EXPH5: variants seen among roughly 807,000 people sequenced by gnomAD.
The protein encoded by EXPH5 is exophilin 5, also known as exophilin-5.
EXPH5 carries 42 observed loss-of-function variants against 41.1 expected under a neutral mutation model. That is an observed-to-expected ratio of 1.02 (90% CI 0.80 to 1.32). EXPH5 has a LOEUF of 1.32. Among genes scored for constraint, EXPH5 ranks in the 40% most tolerant of loss-of-function variants. EXPH5 has a pLI of 0.00. For missense variants in EXPH5, 2,298 were observed against 2,314.5 expected (o/e 0.99, Z 0.15); for synonymous variants, 798 against 833.5 (o/e 0.96, Z 0.73).
chr11:108,541,644 T>C lies in EXPH5; in HGVS notation c.280+8A>G, dbSNP rs764821110. 6 of 1,586,418 alleles carry C rather than the reference T, an allele frequency of 3.8e-6. No homozygotes were observed. Among genetic ancestry groups the C allele is most frequent in the Admixed American group, 3.6e-5 (2 of 56,240 alleles). On this transcript the variant is annotated splice_region_variant and intron_variant, in intron 2 of 5. Transcript: ENST00000265843. ...AAATCAACTTTAAATCTAAAATCTT[T>C]TTCTTACCATTTTTTGCCATCTCCT...
Position 108,512,814 on chromosome 11 carries a change from G to T in EXPH5, c.2693C>A (p.Pro898His). The T allele has an allele frequency of 1.9e-6, 3 of 1,614,152 alleles. No individual in the cohort carries two copies. Among genetic ancestry groups the T allele is most frequent in the Non-Finnish European group, 2.5e-6 (3 of 1,180,016 alleles). Residue 898 changes from proline (P) to histidine (H), a missense_variant, in exon 6 of 6, where the codon CCT (proline) becomes CAT (histidine). Physicochemically the swap from Pro to His is moderately conservative, Grantham distance 77. Coordinates refer to ENST00000265843, the MANE Select transcript of EXPH5 (RefSeq NM_015065.3). The stretch of plus-strand genomic sequence containing the variant: ...GAACACTGTAGTAGATGGAACCACA[G>T]GAGCATCAAGGGAAGAATTCTTTGA... Reference protein sequence around the residue: ...SPSKNSSLDAPVVPSTTVFSR... With the variant: ...SPSKNSSLDAHVVPSTTVFSR...
chr11:108,538,965 C>A, intron 3 of EXPH5, 59 bp downstream of exon 3: 1 of 1,378,434 alleles, frequency 7.3e-7, no homozygotes, highest in South Asian at 1.5e-5. Flanking sequence ...ACAAAACAGG[C>A]TGCTGGCCTC....
chr11:108,539,132 G>T lies in EXPH5; in HGVS notation c.335C>A (p.Pro112Gln), dbSNP rs138214741. The stretch of plus-strand genomic sequence containing the variant: ...GCTCATCCGGGAAGAAAAAGGTGTC[G>T]GCTTTTTTTGATTAGTTACATTTTT... ...RSKNVTNQKK[P>Q]TPFSSRMSFR... The change falls in exon 3 of 6, where the codon CCG (proline) becomes CAG (glutamine). Residue 112 changes from proline to glutamine, a missense_variant. Physicochemically the swap from Pro to Gln is moderately conservative, Grantham distance 76 (BLOSUM62 -1). Transcript: ENST00000265843. 4 of 1,610,056 alleles carry T rather than the reference G, an allele frequency of 2.5e-6. No homozygotes were observed. Among genetic ancestry groups the T allele is most frequent in the Non-Finnish European group, 3.4e-6 (4 of 1,177,700 alleles).
chr11:108,512,092 T>C lies in EXPH5; in HGVS notation c.3415A>G (p.Arg1139Gly), dbSNP rs1028751608. 1 of 1,613,288 alleles carries C rather than the reference T, an allele frequency of 6.2e-7. No homozygotes were observed. Among genetic ancestry groups the C allele is most frequent in the Non-Finnish European group, 8.5e-7 (1 of 1,179,738 alleles). ...ATGCCTGAGGTCAATGGCTTTTTTCTTCCTTCTCTTCCAGTTGAGGCATGT... is the reference window on the plus strand; with the variant it reads ...ATGCCTGAGGTCAATGGCTTTTTTCCTCCTTCTCTTCCAGTTGAGGCATGT... Reference protein sequence around the residue: ...EPHASTGREGRKKPLTSGMDA... With the variant: ...EPHASTGREGGKKPLTSGMDA... The change falls in exon 6 of 6, where the codon AGA becomes GGA. Residue 1139 changes from arginine (R) to glycine (G), a missense_variant. Physicochemically the swap from Arg to Gly is moderately radical, Grantham distance 125. Coordinates refer to ENST00000265843, the MANE Select transcript of EXPH5 (RefSeq NM_015065.3).
At chr11:108,548,872 A>T (rs2093951088) in intron 1 of EXPH5, among the ~76,000 whole-genome samples, 1 of 152,248 alleles carries the variant, frequency 6.6e-6, no homozygotes. Flanking sequence ...GCAAGTAAGA[A>T]AAAATTCTAA....
At chr11:108,532,647 CA>C (rs1324467695) in intron 3 of EXPH5, among the ~76,000 whole-genome samples, 5 of 151,800 alleles carry the variant, frequency 3.3e-5, no homozygotes, top group African/African-American at 1.2e-4. Context: ...ACCATTTAAA[CA>C]AAACGAAACG....
intron 4 of EXPH5, among the ~76,000 whole-genome samples, chr11:108,522,013 C>G (rs2093767959): frequency 6.6e-6 from 1 of 152,078 alleles, no homozygotes; most frequent in Admixed American, 6.6e-5. Flanking sequence ...CTCTAGAGAC[C>G]CTGAGTATAA....
intron 1 of EXPH5, among the ~76,000 whole-genome samples, chr11:108,577,493 G>C (rs918079577): frequency 1.3e-5 from 2 of 151,678 alleles, no homozygotes; most frequent in African/African-American, 4.9e-5. Flanking sequence ...GCGCGATCTC[G>C]GCTCACTGCA....
In EXPH5 at chr11:108,509,565, T is replaced by A. The variant is rs1231757487; in HGVS notation, c.5942A>T (p.Asp1981Val). ...CAGTTCTGACTCTTTGTCATTTTCA[T>A]CCAGGTAGTATTCATCATCTGTGGT... ...DTTTDDEYYL[D>V]ENDKESEL Residue 1981 changes from aspartate to valine, a missense_variant, in exon 6 of 6, where the codon GAT (aspartate) becomes GTT (valine). Coordinates refer to ENST00000265843, the MANE Select transcript of EXPH5 (RefSeq NM_015065.3). The A allele has an allele frequency of 2.6e-6, 4 of 1,564,718 alleles. No individual in the cohort carries two copies. In the Admixed American group the frequency reaches 8.4e-5, roughly 33 times the overall value.
intron 1 of EXPH5, among the ~76,000 whole-genome samples, chr11:108,562,905 A>G (rs188286324): frequency 6.6e-6 from 1 of 152,382 alleles, no homozygotes; most frequent in East Asian, 1.9e-4. Flanking sequence ...TGTGTTTTAA[A>G]GCAGTAGTCA....
intron 1 of EXPH5, among the ~76,000 whole-genome samples, chr11:108,561,258 T>C (rs994299445): frequency 6.6e-6 from 1 of 152,228 alleles, no homozygotes; most frequent in Non-Finnish European, 1.5e-5. Context: ...TTAATAATGA[T>C]CTTAGATTTT....
chr11:108,519,790 A>G (rs1321108912), intron 4 of EXPH5, among the ~76,000 whole-genome samples: 1 of 151,502 alleles, frequency 6.6e-6, no homozygotes, highest in Admixed American at 6.6e-5. Flanking sequence ...AAAAAACCAA[A>G]AATACAAAAA....
chr11:108,513,702 T>C lies in EXPH5; in HGVS notation c.1805A>G (p.Asp602Gly), dbSNP rs1336427587. ...VKSSELVSQQ[D>G]SSPVEVHINK... ...TATATGTACTTCTACAGGAGAACTGTCCTGTTGACTTACCAACTCACTAGA... is the reference window on the plus strand; with the variant it reads ...TATATGTACTTCTACAGGAGAACTGCCCTGTTGACTTACCAACTCACTAGA... Residue 602 changes from aspartate to glycine, a missense_variant, in exon 6 of 6, where the codon GAC becomes GGC. Asp to Gly is a moderately conservative substitution (Grantham distance 94). Transcript: ENST00000265843. 3 of 1,612,944 alleles carry C rather than the reference T, an allele frequency of 1.9e-6. No homozygotes were observed. Among genetic ancestry groups the C allele is most frequent in the Non-Finnish European group, 1.7e-6 (2 of 1,179,652 alleles).
At chr11:108,515,165 T>A (rs1565783262) in intron 5 of EXPH5, among the ~76,000 whole-genome samples, 1 of 152,040 alleles carries the variant, frequency 6.6e-6, no homozygotes. Context: ...ATTTTAATCA[T>A]GTTTTTTTTT....
At position 108,539,149 on chromosome 11, in the gene EXPH5, T is replaced by C. The variant is rs1199759123; in HGVS notation, c.318A>G (p.Val106=). 1 of 1,608,952 alleles carries C rather than the reference T, an allele frequency of 6.2e-7. No homozygotes were observed. Among genetic ancestry groups the C allele is most frequent in the Non-Finnish European group, 8.5e-7 (1 of 1,177,696 alleles). ...IELPTSRSKN[V]TNQKKPTPFS... ...AAGGTGTCGGCTTTTTTTGATTAGT[T>C]ACATTTTTAGATCTTGATGTAGGTA... The change falls in exon 3 of 6, where the codon GTA becomes GTG. Residue 106 remains valine, a synonymous_variant. Transcript: ENST00000265843.
chr11:108,514,641 G>C lies in EXPH5; in HGVS notation c.866C>G (p.Pro289Arg), dbSNP rs1249282544. 3.1e-6 allele frequency: 5 copies of C among 1,606,592 alleles called. No homozygotes were observed. The highest frequency in any genetic ancestry group is 4.2e-6 in the Non-Finnish European group (5 of 1,177,446). Residue 289 changes from proline (P) to arginine (R), a missense_variant, in exon 6 of 6, where the codon CCT becomes CGT. By Grantham distance (103) the Pro-to-Arg change is moderately radical (BLOSUM62 -2). Coordinates refer to ENST00000265843, the MANE Select transcript of EXPH5 (RefSeq NM_015065.3). ...TPREGFKTFS[P>R]RTSTIYDMYR... ...CATATCATAAATTGTGCTTGTCCTA[G>C]GAGAAAAGGTTTTAAAACCTTCCCT...
At position 108,510,362 on chromosome 11, in the gene EXPH5, A is replaced by T. The variant is rs145299498; in HGVS notation, c.5145T>A (p.Asn1715Lys). ...NVSESPSKHE[N>K]SKDVTAAQNL... ...TCTGAGCTGCTGTGACGTCTTTAGA[A>T]TTCTCATGCTTTGATGGTGATTCTG... The change falls in exon 6 of 6, where the codon AAT becomes AAA. Residue 1715 changes from asparagine (N) to lysine (K), a missense_variant. Physicochemically the swap from Asn to Lys is moderately conservative, Grantham distance 94 (BLOSUM62 0). Transcript: ENST00000265843. The T allele has an allele frequency of 1.9e-6, 3 of 1,614,042 alleles. No individual in the cohort carries two copies. In the African/African-American group the frequency reaches 4.0e-5, roughly 22 times the overall value.
intron 1 of EXPH5, among the ~76,000 whole-genome samples, chr11:108,581,239 G>A (rs1481581129): frequency 6.6e-6 from 1 of 152,146 alleles, no homozygotes; most frequent in Non-Finnish European, 1.5e-5. Flanking sequence ...AGGAGGTGGA[G>A]GTTGCAGTGA....
chr11:108,594,731 CATATA>C (rs1260813093), upstream of EXPH5, among the ~76,000 whole-genome samples: 3 of 152,182 alleles, frequency 2.0e-5, no homozygotes, highest in East Asian at 5.8e-4. Context: ...TGATTACTAA[CATATA>C]AAATGTACTT....
Sources: gnomAD v4.1 joint callset for allele counts (sites outside exome capture counted in the v4.1 genomes callset) on GRCh38, gnomAD v4.1.1 for gene constraint, MANE v1.5 for transcripts, NCBI Gene and HGNC (gene_info 2026-07-23, HGNC 2026-07-21) for gene names.